NRK: variants seen among roughly 807,000 people sequenced by gnomAD.
The protein encoded by NRK is Nik related kinase.
NRK carries 67 observed loss-of-function variants against 125.2 expected under a neutral mutation model. The ratio of observed to expected loss-of-function variants is 0.54; its 90% CI spans 0.44 to 0.66. NRK has a LOEUF of 0.66. Ranked by LOEUF, NRK falls within the 30% of genes least tolerant of loss-of-function variation. The pLI, the probability that NRK is intolerant of heterozygous loss-of-function variation, is 0.00. For missense variants in NRK, 1,224 were observed against 1,192.9 expected, an observed-to-expected ratio of 1.03 and a Z score of -0.38; for synonymous variants, 458 against 429.0, an observed-to-expected ratio of 1.07 and a Z score of -0.84.
chrX:105,837,108 T>C (rs1251194470), intron 2 of NRK, among the ~76,000 whole-genome samples: 1 of 111,731 alleles, frequency 9.0e-6, no homozygotes, highest in Non-Finnish European at 1.9e-5. Flanking sequence ...AAGTATTCCT[T>C]ATTATATTTG....
rs142357881 is a variant in NRK at position 105,894,930 on chromosome X, A to G, written c.490-503A>G. Reference sequence around the variant, plus strand: ...GGTCATGGGTAAATTTTAGTGGTGAATGGGCTAGAGCCAAAGTGTTAAGCC... The same window carrying G: ...GGTCATGGGTAAATTTTAGTGGTGAGTGGGCTAGAGCCAAAGTGTTAAGCC... On this transcript the variant is annotated intron_variant, in intron 6 of 28. Coordinates refer to ENST00000243300, the MANE Select transcript of NRK (RefSeq NM_198465.4). Among the ~76,000 whole-genome samples the G allele has an allele frequency of 2.0e-3, 224 of 112,349 alleles. 1 individual carries two copies. The highest frequency in any genetic ancestry group is 6.9e-3 in the African/African-American group (215 of 31,005).
intron 2 of NRK, among the ~76,000 whole-genome samples, chrX:105,860,449 T>C (rs1475270425): frequency 9.0e-6 from 1 of 110,933 alleles, no homozygotes; most frequent in Admixed American, 9.6e-5. Flanking sequence ...TTTTAAAGTA[T>C]ACAGCTCAGT....
At chrX:105,857,153 C>T (rs758547193) in intron 2 of NRK, among the ~76,000 whole-genome samples, 9 of 111,559 alleles carry the variant, frequency 8.1e-5, no homozygotes, top group African/African-American at 2.9e-4. Context: ...CTTTCTTAAA[C>T]AATCATTATT....
rs868050371 is a variant in NRK at position 105,912,687 on chromosome X, C to A, written c.2281C>A (p.His761Asn). Residue 761 changes from histidine (H) to asparagine (N), a missense_variant, in exon 14 of 29, where the codon CAT (histidine) becomes AAT (asparagine). Coordinates refer to ENST00000243300, the MANE Select transcript of NRK (RefSeq NM_198465.4). The stretch of plus-strand genomic sequence containing the variant: ...ATCATCAGACAATGATGAAGTATTT[C>A]ATTCGATTCAGGCTGAAGTCCAGAT... ...DESSDNDEVF[H>N]SIQAEVQIEP... 1 of 1,126,620 alleles carries A rather than the reference C, an allele frequency of 8.9e-7. No individual in the cohort carries two copies. The highest frequency in any genetic ancestry group is 1.2e-6 in the Non-Finnish European group (1 of 841,673). 92.8% of individuals were successfully genotyped at this position (1,126,620 alleles called of 1,213,427 possible).
chrX:105,945,223 G>A (rs140198638), intron 24 of NRK, among the ~76,000 whole-genome samples: 24 of 111,481 alleles, frequency 2.2e-4, no homozygotes, highest in Non-Finnish European at 3.8e-4. Context: ...GATGTTCCAG[G>A]TGATTTTTAA....
At chrX:105,947,141 A>AAAT (rs1376452269) in intron 26 of NRK, among the ~76,000 whole-genome samples, 2 of 111,699 alleles carry the variant, frequency 1.8e-5, no homozygotes, top group East Asian at 5.6e-4. Flanking sequence ...GATACTCCTC[A>AAAT]ACTCTTAAAT....
Position 105,909,768 on chromosome X carries a change from A to G in NRK, c.2127A>G (p.Ser709=). Residue 709 remains serine, a synonymous_variant, in exon 13 of 29, where the codon TCA becomes TCG. Transcript: ENST00000243300. ...CAAAGAGGTTCAGGGCAAAGTCATCATGGAGACCTGAAAAGCTTGAACTCT... is the reference window on the plus strand; with the variant it reads ...CAAAGAGGTTCAGGGCAAAGTCATCGTGGAGACCTGAAAAGCTTGAACTCT... The part of the protein sequence containing the change: ...LSPKRFRAKS[S]WRPEKLELSD... The G allele has an allele frequency of 8.4e-7, 1 of 1,183,856 alleles. No individual in the cohort carries two copies. Among genetic ancestry groups the G allele is most frequent in the East Asian group, 3.1e-5 (1 of 32,206 alleles).
intron 2 of NRK, among the ~76,000 whole-genome samples, chrX:105,862,220 T>A (rs190753689): frequency 8.9e-6 from 1 of 112,134 alleles, no homozygotes; most frequent in African/African-American, 3.2e-5. Context: ...CAGTGAATGG[T>A]TTATTACTTT....
chrX:105,911,708 A>G (rs1369035530), intron 13 of NRK, among the ~76,000 whole-genome samples: 2 of 111,522 alleles, frequency 1.8e-5, no homozygotes, highest in Non-Finnish European at 3.8e-5. Context: ...ACATTTGGCA[A>G]AAACTAGCTC....
intron 2 of NRK, among the ~76,000 whole-genome samples, chrX:105,834,450 C>CGTGTGT (rs751513572): frequency 1.9e-5 from 2 of 105,215 alleles, no homozygotes; most frequent in Non-Finnish European, 4.0e-5. Flanking sequence ...GAGGTGTGTG[C>CGTGTGT]GTGTGTGTGT....
At chrX:105,900,489 C>A in intron 8 of NRK, 129 bp from the exon 9 acceptor site, 1 of 464,999 alleles carries the variant, frequency 2.2e-6, no homozygotes, top group Non-Finnish European at 3.8e-6. Flanking sequence ...AATAAAGCTT[C>A]ATTATGGGAA....
rs1412196006 is a variant in NRK, at chrX:105,915,800, A to G, written c.2417+3A>G. On this transcript the variant is annotated splice_donor_region_variant and intron_variant, in intron 15 of 28. Coordinates refer to ENST00000243300, the MANE Select transcript of NRK (RefSeq NM_198465.4). ...CATCATGTCAAGTTCTCTTCAAGGT[A>G]TGTGTCTTTGATTTCTATATTAAAA... is the stretch of plus-strand genomic sequence containing the variant. 13 of 1,023,803 alleles carry G rather than the reference A, an allele frequency of 1.3e-5. No homozygotes were observed. The highest frequency in any genetic ancestry group is 2.0e-5 in the South Asian group (1 of 49,152). The allele number at this position is 1,023,803 out of a possible 1,213,427, so 84.4% of individuals were successfully genotyped here. A position where few individuals can be genotyped will look rare whatever the true frequency, so the allele number is the denominator to read the frequency against.
chrX:105,948,578 C>A, intron 26 of NRK: 1 of 451,559 alleles, frequency 2.2e-6, no homozygotes, highest in Non-Finnish European at 3.9e-6. Context: ...ATTAAGACAA[C>A]CTTCTTTCCT....
intron 19 of NRK, among the ~76,000 whole-genome samples, chrX:105,933,075 A>C (rs768008303): frequency 2.7e-5 from 3 of 111,117 alleles, no homozygotes; most frequent in Non-Finnish European, 5.7e-5. Context: ...TAAATCAATA[A>C]AGTTTGAAAA....
intron 2 of NRK, among the ~76,000 whole-genome samples, chrX:105,849,318 C>T (rs1372544855): frequency 9.0e-6 from 1 of 111,460 alleles, no homozygotes; most frequent in Non-Finnish European, 1.9e-5. Flanking sequence ...AATTACCTCC[C>T]CCTGGGTCCC....
At chrX:105,897,917 A>T (rs2040106125) in intron 7 of NRK, among the ~76,000 whole-genome samples, 1 of 111,683 alleles carries the variant, frequency 9.0e-6, no homozygotes, top group Non-Finnish European at 1.9e-5. Flanking sequence ...TTCATTTTTC[A>T]TCCCTGTTTT....
At chrX:105,841,760 G>A (rs770062824) in intron 2 of NRK, among the ~76,000 whole-genome samples, 28 of 111,710 alleles carry the variant, frequency 2.5e-4, no homozygotes, top group African/African-American at 8.4e-4. Flanking sequence ...AAATTATTGA[G>A]TGTTTGAACT....
rs777578995 is a variant in NRK, at chrX:105,945,972, G to A, written c.4160G>A (p.Arg1387Gln). ...AKIQAADPVN[R>Q]FKRPDELLHL... Reference sequence around the variant, plus strand: ...ATACAGGCAGCTGATCCAGTGAACCGGTTTAAGAGACCAGATGAGCTCCTT... The same window carrying A: ...ATACAGGCAGCTGATCCAGTGAACCAGTTTAAGAGACCAGATGAGCTCCTT... The change falls in exon 25 of 29, where the codon CGG becomes CAG. Residue 1387 changes from arginine to glutamine, a missense_variant. Arg to Gln is a conservative substitution (Grantham distance 43). Transcript: ENST00000243300. 7 of 1,208,660 alleles carry A rather than the reference G, an allele frequency of 5.8e-6. No individual in the cohort carries two copies. Among genetic ancestry groups the A allele is most frequent in the African/African-American group, 5.2e-5 (3 of 57,204 alleles).
chrX:105,936,220 A>T (rs1291172479), intron 21 of NRK, among the ~76,000 whole-genome samples: 1 of 111,589 alleles, frequency 9.0e-6, no homozygotes, highest in Admixed American at 9.6e-5. Flanking sequence ...TTTTAAATTA[A>T]AAATAGAAAA....
Sources: allele counts gnomAD v4.1 joint callset (sites outside exome capture counted in the v4.1 genomes callset), GRCh38; gene constraint gnomAD v4.1.1; transcripts MANE v1.5; gene names NCBI Gene and HGNC (gene_info 2026-07-23, HGNC 2026-07-21).